DGKB: variants seen among roughly 807,000 people sequenced by gnomAD.
DGKB encodes 90 kDa diacylglycerol kinase.
A neutral mutation model predicts 114.3 loss-of-function variants in DGKB; 67 were observed. That is an observed-to-expected ratio of 0.59 (90% CI 0.48 to 0.72). DGKB has a LOEUF of 0.72. Ranked by LOEUF, DGKB falls within the 30% of genes least tolerant of loss-of-function variation. The pLI, the probability that DGKB is intolerant of heterozygous loss-of-function variation, is 0.00. For missense variants in DGKB, 907 were observed against 975.2 expected, an observed-to-expected ratio of 0.93 and a Z score of 0.93; for synonymous variants, 398 against 323.1, an observed-to-expected ratio of 1.23 and a Z score of -2.49.
chr7:14,877,823 C>A (rs1853544114), intron 1 of DGKB, among the ~76,000 whole-genome samples: 1 of 152,062 alleles, frequency 6.6e-6, no homozygotes, highest in African/African-American at 2.4e-5. Flanking sequence ...TTCCTTGAAG[C>A]TTTTGAAAAT....
chr7:14,590,283 G>A (rs911727470), intron 17 of DGKB, among the ~76,000 whole-genome samples: 1 of 151,424 alleles, frequency 6.6e-6, no homozygotes, highest in African/African-American at 2.4e-5. Flanking sequence ...CTATACTTCT[G>A]TAGCAATTTG....
chr7:14,967,314 T>C (rs1478396456), intron 1 of DGKB, among the ~76,000 whole-genome samples: 12 of 39,342 alleles, frequency 3.1e-4, no homozygotes, highest in African/African-American at 6.4e-4. Context: ...TTGATTTATT[T>C]TTATTTTTAT....
intron 23 of DGKB, among the ~76,000 whole-genome samples, chr7:14,338,208 T>C (rs1276071519): frequency 6.6e-6 from 1 of 152,102 alleles, no homozygotes; most frequent in Non-Finnish European, 1.5e-5. Context: ...TTTAAGACAA[T>C]CACGTTTCAG....
intron 10 of DGKB, among the ~76,000 whole-genome samples, chr7:14,684,049 G>T (rs369718550): frequency 3.1e-4 from 47 of 152,086 alleles, no homozygotes; most frequent in African/African-American, 1.0e-3. Context: ...CTTTGTATAG[G>T]GAGAATGTTC....
chr7:14,388,011 C>G (rs1375781655), intron 21 of DGKB, among the ~76,000 whole-genome samples: 1 of 151,486 alleles, frequency 6.6e-6, no homozygotes, highest in African/African-American at 2.4e-5. Flanking sequence ...TCCCAAGTAG[C>G]TGGGATTACA....
chr7:14,727,989 T>C (rs1259151178), intron 5 of DGKB, among the ~76,000 whole-genome samples: 3 of 152,260 alleles, frequency 2.0e-5, no homozygotes, highest in East Asian at 3.8e-4. Context: ...CTGTTCTTAA[T>C]TGATTAACTT....
At chr7:14,309,903 G>C (rs1484113408) in intron 23 of DGKB, among the ~76,000 whole-genome samples, 1 of 152,178 alleles carries the variant, frequency 6.6e-6, no homozygotes, top group Non-Finnish European at 1.5e-5. Flanking sequence ...CTGACAAAGG[G>C]TGAAAGAATA....
intron 12 of DGKB, among the ~76,000 whole-genome samples, chr7:14,678,141 G>A (rs1406718416): frequency 1.3e-5 from 2 of 152,026 alleles, no homozygotes; most frequent in South Asian, 2.1e-4. Context: ...GCATATCAGA[G>A]ATTAAAGTGA....
intron 21 of DGKB, among the ~76,000 whole-genome samples, chr7:14,433,401 T>TG (rs1283732004): frequency 6.6e-6 from 1 of 152,106 alleles, no homozygotes; most frequent in African/African-American, 2.4e-5. Context: ...TAATAGGCTT[T>TG]GGGGGTCAGA....
At chr7:14,811,239 G>A (rs1843393991) in intron 2 of DGKB, among the ~76,000 whole-genome samples, 1 of 152,048 alleles carries the variant, frequency 6.6e-6, no homozygotes, top group African/African-American at 2.4e-5. Context: ...ATGTAGTCTT[G>A]CTACGTCACC....
chr7:14,422,331 G>A (rs1434554295), intron 21 of DGKB, among the ~76,000 whole-genome samples: 1 of 151,980 alleles, frequency 6.6e-6, no homozygotes, highest in Non-Finnish European at 1.5e-5. Context: ...CTTTTTTGTT[G>A]TTATTGTTGA....
chr7:14,797,730 G>C (rs1049394837), intron 2 of DGKB, among the ~76,000 whole-genome samples: 4 of 152,004 alleles, frequency 2.6e-5, no homozygotes, highest in African/African-American at 7.3e-5. Context: ...AGTTCAGTGA[G>C]AGGAAGGGAG....
At chr7:14,467,962 C>T (rs752384491) in intron 21 of DGKB, among the ~76,000 whole-genome samples, 11 of 151,978 alleles carry the variant, frequency 7.2e-5, no homozygotes, top group Non-Finnish European at 1.3e-4. Flanking sequence ...AGTGTTACAA[C>T]GAGGGTCCTC....
intron 21 of DGKB, among the ~76,000 whole-genome samples, chr7:14,468,400 G>A (rs184727981): frequency 2.6e-5 from 4 of 152,198 alleles, no homozygotes; most frequent in African/African-American, 4.8e-5. Flanking sequence ...GGGAACAGAA[G>A]CTTCAGTGTT....
chr7:14,331,917 C>G (rs993704215), intron 23 of DGKB, among the ~76,000 whole-genome samples: 6 of 152,028 alleles, frequency 3.9e-5, no homozygotes, highest in African/African-American at 1.2e-4. Flanking sequence ...CAGTCTCTCC[C>G]AACAGTGCAT....
intron 2 of DGKB, among the ~76,000 whole-genome samples, chr7:14,795,893 A>G (rs1479020398): frequency 6.6e-6 from 1 of 152,192 alleles, no homozygotes; most frequent in Admixed American, 6.6e-5. Flanking sequence ...ACTATGCATG[A>G]ATTTCAAAAA....
chr7:14,211,816 ACTCTCATGTTTTGTGAT>A lies in DGKB; in HGVS notation c.2123-33682_2123-33666del, dbSNP rs1562630142. ...ATTTACTCTCATGTTTTGTGATTTT[ACTCTCATGTTTTGTGAT>A]TTTACTCTCATGTTTTGTGATTTTA... On this transcript the variant is annotated intron_variant, in intron 23 of 25. Coordinates refer to ENST00000402815, the MANE Select transcript of DGKB (RefSeq NM_001350709.2). 5.0e-4 allele frequency among the ~76,000 whole-genome samples: 3 copies of A among 6,044 alleles called. No homozygotes were observed. The East Asian group carries it at 0.034, about 69-fold the overall frequency. 4.0% of individuals were successfully genotyped at this position (6,044 alleles called of 152,430 possible).
intron 1 of DGKB, among the ~76,000 whole-genome samples, chr7:14,967,310 T>C (rs1787211622): frequency 2.6e-5 from 1 of 39,128 alleles, no homozygotes; most frequent in Non-Finnish European, 4.4e-5. Flanking sequence ...TGACTTGATT[T>C]ATTTTTATTT....
intron 23 of DGKB, chr7:14,191,917 TA>T: frequency 3.2e-6 from 2 of 630,922 alleles, no homozygotes; most frequent in Non-Finnish European, 2.7e-6. Context: ...GCCAGTCTGG[TA>T]AAAAGCTGGA....
Sources: allele counts gnomAD v4.1 joint callset (sites outside exome capture counted in the v4.1 genomes callset), GRCh38; gene constraint gnomAD v4.1.1; transcripts MANE v1.5; gene names NCBI Gene and HGNC (gene_info 2026-07-23, HGNC 2026-07-21).